IDE: variants seen among roughly 807,000 people sequenced by gnomAD.
The protein encoded by IDE is insulin degrading enzyme.
A neutral mutation model predicts 133.2 loss-of-function variants in IDE; 58 were observed. That is an observed-to-expected ratio of 0.44 (90% CI 0.35 to 0.54). IDE has a LOEUF of 0.54. IDE is among the 20% of genes least tolerant of loss of function. The pLI is 0.00. For missense variants in IDE, 981 were observed against 1,234.0 expected (o/e 0.79, Z 3.07); for synonymous variants, 396 against 421.3 (o/e 0.94, Z 0.73).
chr10:92,556,179 C>CAAAAAAAAAAAA (rs60008680), intron 1 of IDE, among the ~76,000 whole-genome samples: 19 of 69,058 alleles, frequency 2.8e-4, no homozygotes, highest in African/African-American at 3.5e-4. Flanking sequence ...GACTCCGTCT[C>CAAAAAAAAAAAA]AAAAAAAAAA....
At chr10:92,508,288 G>GTATGTTC in intron 7 of IDE, 83 bp from the exon 8 acceptor site, 1 of 1,011,420 alleles carries the variant, frequency 9.9e-7, no homozygotes, top group East Asian at 2.4e-5. Context: ...AATTCATACT[G>GTATGTTC]TATGTTCCTA....
intron 2 of IDE, among the ~76,000 whole-genome samples, chr10:92,535,258 C>A (rs557052348): frequency 1.3e-5 from 2 of 152,146 alleles, no homozygotes; most frequent in African/African-American, 4.8e-5. Context: ...CGCCCACCAC[C>A]GCGCCCAGCT....
In IDE at chr10:92,510,056, A is replaced by T. The variant is rs753697031; in HGVS notation, c.891T>A (p.His297Gln). 2.6e-6 allele frequency: 4 copies of T among 1,532,520 alleles called. No homozygotes were observed. The highest frequency in any genetic ancestry group is 1.7e-5 in the Admixed American group (1 of 58,326). 94.9% of individuals were successfully genotyped at this position (1,532,520 alleles called of 1,614,324 possible). ...EFPEHPFQEE[H>Q]LKQLYKIVPI... is the part of the protein sequence containing the mutation. ...CCAAAATTTATGCACTTACTTTAAG[A>T]TGTTCTTCTTGGAAAGGGTGTTCAG... Residue 297 changes from histidine (H) to glutamine (Q), a missense_variant, in exon 6 of 25, where the codon CAT becomes CAA. By Grantham distance (24) the His-to-Gln change is conservative. This residue lies in a region of IDE where 660 missense variants were observed against 894.7 expected (regional missense o/e 0.74). Coordinates refer to ENST00000265986, the MANE Select transcript of IDE (RefSeq NM_004969.4).
chr10:92,490,500 A>T lies in IDE; in HGVS notation c.1526T>A (p.Val509Asp). ...TAGATGAGTTAACCCTACCTTGATG[A>T]CTTCATCCGGTATAGCTTCTTGTTT... is the stretch of plus-strand genomic sequence containing the variant. ...QYKQEAIPDE[V>D]IKKWQNADLN... Residue 509 changes from valine (V) to aspartate (D), a missense_variant, in exon 12 of 25, where the codon GTC becomes GAC. This residue lies in a region of IDE where 660 missense variants were observed against 894.7 expected (regional missense o/e 0.74). Coordinates refer to ENST00000265986, the MANE Select transcript of IDE (RefSeq NM_004969.4). 1 of 1,585,722 alleles carries T rather than the reference A, an allele frequency of 6.3e-7. No individual in the cohort carries two copies. The highest frequency in any genetic ancestry group is 8.7e-7 in the Non-Finnish European group (1 of 1,154,776).
intron 1 of IDE, among the ~76,000 whole-genome samples, chr10:92,562,479 T>C (rs1338433243): frequency 6.6e-6 from 1 of 152,044 alleles, no homozygotes; most frequent in Non-Finnish European, 1.5e-5. Context: ...CAGAGTGACT[T>C]TTCCACTACA....
At chr10:92,510,779 T>A (rs1265643943) in intron 5 of IDE, among the ~76,000 whole-genome samples, 1 of 42,990 alleles carries the variant, frequency 2.3e-5, no homozygotes, top group East Asian at 1.3e-3. Context: ...ATATAGCACA[T>A]ACATCTCACA....
intron 5 of IDE, among the ~76,000 whole-genome samples, chr10:92,511,793 AAGGAATATTGT>A (rs1179508859): frequency 1.3e-5 from 2 of 152,086 alleles, no homozygotes; most frequent in African/African-American, 4.8e-5. Context: ...AGGAATGGAG[AAGGAATATTGT>A]AGCAAGAGAT....
chr10:92,556,690 G>A (rs138435658), intron 1 of IDE, among the ~76,000 whole-genome samples: 5,400 of 152,096 alleles, frequency 0.036, 363 homozygotes, highest in African/African-American at 0.12. Flanking sequence ...CCCAGGAGGC[G>A]GAGGTTGCAG....
At chr10:92,547,194 C>T (rs183773214) in intron 1 of IDE, among the ~76,000 whole-genome samples, 56 of 152,140 alleles carry the variant, frequency 3.7e-4, no homozygotes, top group African/African-American at 1.2e-3. Flanking sequence ...CCACCTCAGC[C>T]TCCTGCGCAG....
At chr10:92,494,090 T>C (rs1390102608) in intron 11 of IDE, among the ~76,000 whole-genome samples, 1 of 152,126 alleles carries the variant, frequency 6.6e-6, no homozygotes, top group East Asian at 1.9e-4. Context: ...AAATAAGGTT[T>C]CCTTTTTTCG....
At chr10:92,489,152 C>T (rs1380198762) in intron 12 of IDE, among the ~76,000 whole-genome samples, 1 of 152,054 alleles carries the variant, frequency 6.6e-6, no homozygotes, top group African/African-American at 2.4e-5. Context: ...GGACGTTGGC[C>T]ATATTTCTTA....
intron 14 of IDE, 161 bp from the exon 15 acceptor site, chr10:92,479,582 T>C (rs1846483567): frequency 1.7e-6 from 1 of 603,022 alleles, no homozygotes; most frequent in Admixed American, 3.0e-5. Flanking sequence ...AAAGAAGATG[T>C]CTGAAAAAGA....
intron 20 of IDE, 129 bp from the exon 21 acceptor site, chr10:92,464,132 G>T: frequency 1.2e-6 from 1 of 863,834 alleles, no homozygotes; most frequent in Non-Finnish European, 1.8e-6. Context: ...ACCTCTTAAA[G>T]AAATATGAGC....
chr10:92,490,432 G>A (rs1005809710), intron 12 of IDE, 61 bp downstream of exon 12: 7 of 1,030,284 alleles, frequency 6.8e-6, no homozygotes, highest in East Asian at 2.4e-5. Context: ...GGTGGATCTA[G>A]GGAGCAATGT....
intron 4 of IDE, among the ~76,000 whole-genome samples, chr10:92,515,606 G>C (rs547213623): frequency 7.2e-6 from 1 of 138,266 alleles, no homozygotes; most frequent in East Asian, 2.1e-4. Flanking sequence ...TTATTGCTCA[G>C]GCTGGAGTGC....
chr10:92,534,681 A>G lies in IDE; in HGVS notation c.388T>C (p.Phe130Leu). Reference protein sequence around the residue: ...KYPKENEYSQFLSEHAGSSNA... With the variant: ...KYPKENEYSQLLSEHAGSSNA... The stretch of plus-strand genomic sequence containing the variant: ...GAACTTCCTGCATGCTCACTGAGAA[A>G]CTGGCTGTATTCATTTTCTTTAGGG... The change falls in exon 3 of 25, where the codon TTT (phenylalanine) becomes CTT (leucine). Residue 130 changes from phenylalanine to leucine, a missense_variant. This residue lies in a region of IDE where 321 missense variants were observed against 339.3 expected (regional missense o/e 0.95). Coordinates refer to ENST00000265986, the MANE Select transcript of IDE (RefSeq NM_004969.4). 2.5e-6 allele frequency: 4 copies of G among 1,613,624 alleles called. No individual in the cohort carries two copies. Among genetic ancestry groups the G allele is most frequent in the Non-Finnish European group, 3.4e-6 (4 of 1,179,606 alleles).
At chr10:92,455,332 T>A (rs1354427207) in intron 24 of IDE, among the ~76,000 whole-genome samples, 1 of 151,956 alleles carries the variant, frequency 6.6e-6, no homozygotes, top group African/African-American at 2.4e-5. Context: ...AAAAACTAGC[T>A]GGGCATGGTG....
At chr10:92,476,773 G>A (rs1449550590) in intron 15 of IDE, among the ~76,000 whole-genome samples, 1 of 152,158 alleles carries the variant, frequency 6.6e-6, no homozygotes, top group Non-Finnish European at 1.5e-5. Context: ...GTAGAATGTG[G>A]CTAAGTTTTT....
intron 11 of IDE, among the ~76,000 whole-genome samples, chr10:92,498,169 G>A (rs147334748): frequency 0.014 from 2,118 of 152,304 alleles, 26 homozygotes; most frequent in Non-Finnish European, 0.021. Flanking sequence ...ATTATATAAA[G>A]TTAACTTTTC....
Sources: allele counts gnomAD v4.1 joint callset (sites outside exome capture counted in the v4.1 genomes callset), GRCh38; gene constraint gnomAD v4.1.1; regional missense constraint gnomAD v4.1.1; transcripts MANE v1.5; gene names NCBI Gene and HGNC (gene_info 2026-07-23, HGNC 2026-07-21).